The following PTPRK variants were observed in gnomAD, a reference collection of about 807,000 sequenced individuals.
PTPRK encodes protein tyrosine phosphatase receptor type K.
PTPRK carries 75 observed loss-of-function variants against 178.0 expected under a neutral mutation model. That is an observed-to-expected ratio of 0.42 (90% CI 0.35 to 0.51). The LOEUF (loss-of-function observed/expected upper bound fraction) is 0.51. Among genes scored for constraint, PTPRK ranks in the 20% least tolerant of loss-of-function variants. The pLI is 0.02. For synonymous variants in PTPRK, 637 were observed against 620.6 expected (o/e 1.03, Z -0.39); for missense variants, 1,441 against 1,797.8 (o/e 0.80, Z 3.59).
At chr6:128,069,418 ATG>A (rs1782418544) in intron 11 of PTPRK, among the ~76,000 whole-genome samples, 1 of 152,198 alleles carries the variant, frequency 6.6e-6, no homozygotes, top group Non-Finnish European at 1.5e-5. Context: ...TGAGGCATCC[ATG>A]GAGCAGGCAT....
At chr6:128,305,977 A>G (rs1050291322) in intron 3 of PTPRK, among the ~76,000 whole-genome samples, 1 of 152,232 alleles carries the variant, frequency 6.6e-6, no homozygotes, top group African/African-American at 2.4e-5. Context: ...CGAAGCAGAT[A>G]TCTTCTTCAC....
intron 2 of PTPRK, among the ~76,000 whole-genome samples, chr6:128,324,807 A>G (rs1829324916): frequency 6.6e-6 from 1 of 152,166 alleles, no homozygotes; most frequent in Admixed American, 6.6e-5. Flanking sequence ...GGCACTAGGG[A>G]GGAAGCTGCC....
At position 128,495,664 on chromosome 6, in the gene PTPRK, G is replaced by A. The variant is rs537218178; in HGVS notation, c.100+24595C>T. 4.6e-4 allele frequency among the ~76,000 whole-genome samples: 70 copies of A among 152,170 alleles called. 1 individual carries two copies. Among genetic ancestry groups the A allele is most frequent in the Non-Finnish European group, 8.5e-4 (58 of 68,008 alleles). On this transcript the variant is annotated intron_variant, in intron 1 of 29. Coordinates refer to ENST00000368226, the MANE Select transcript of PTPRK (RefSeq NM_002844.4). ...CCTAACTGGTCTCACCAAAATCCAC[G>A]TGGCCCCTCCAAACCCTTTTTCACA...
chr6:128,209,291 A>G (rs1807626081), intron 6 of PTPRK, among the ~76,000 whole-genome samples: 1 of 152,162 alleles, frequency 6.6e-6, no homozygotes, highest in African/African-American at 2.4e-5. Context: ...CTGGCACTCA[A>G]ATTGTTCCAC....
chr6:128,476,743 A>G (rs946450486), intron 1 of PTPRK, among the ~76,000 whole-genome samples: 2 of 152,030 alleles, frequency 1.3e-5, no homozygotes, highest in African/African-American at 4.8e-5. Context: ...TTGATTCAGC[A>G]AATGCATTCA....
chr6:128,332,516 G>A (rs952265314), intron 2 of PTPRK, among the ~76,000 whole-genome samples: 35 of 152,232 alleles, frequency 2.3e-4, no homozygotes, highest in African/African-American at 8.0e-4. Context: ...GAGAGGAATA[G>A]ATGGGTCTTC....
chr6:128,479,266 A>G (rs1334590833), intron 1 of PTPRK, among the ~76,000 whole-genome samples: 1 of 150,912 alleles, frequency 6.6e-6, no homozygotes, highest in Non-Finnish European at 1.5e-5. Flanking sequence ...TCTCAGATGG[A>G]AAAAAAAAAT....
intron 1 of PTPRK, among the ~76,000 whole-genome samples, chr6:128,422,413 A>G (rs1361852815): frequency 6.6e-6 from 1 of 152,148 alleles, no homozygotes; most frequent in Non-Finnish European, 1.5e-5. Context: ...TGAAGATATC[A>G]TTGGGGTCTG....
chr6:128,100,466 C>A (rs922107951), intron 7 of PTPRK, among the ~76,000 whole-genome samples: 1 of 151,834 alleles, frequency 6.6e-6, no homozygotes, highest in Non-Finnish European at 1.5e-5. Flanking sequence ...ATTTTATGTC[C>A]AGTAATTTTA....
intron 3 of PTPRK, among the ~76,000 whole-genome samples, chr6:128,294,947 T>G (rs1349651783): frequency 2.6e-5 from 3 of 114,780 alleles, no homozygotes; most frequent in Admixed American, 2.5e-4. Context: ...GAACAAAGAG[T>G]AATTAAGAAA....
At position 128,012,416 on chromosome 6, in the gene PTPRK, T is replaced by A. The variant is rs1378359387; in HGVS notation, c.2195-3148A>T. Among the ~76,000 whole-genome samples, 4 of 151,434 alleles carry A rather than the reference T, an allele frequency of 2.6e-5. No homozygotes were observed. In the East Asian group the frequency reaches 7.8e-4, roughly 29 times the overall value. On this transcript the variant is annotated intron_variant, in intron 13 of 29. Coordinates refer to ENST00000368226, the MANE Select transcript of PTPRK (RefSeq NM_002844.4). ...CAAAGAGAGCAAAAAGCTATTATAG[T>A]GGTGGTGCCCCTGAGTTCTGTTTAT...
intron 13 of PTPRK, among the ~76,000 whole-genome samples, chr6:128,054,779 T>C (rs1779621074): frequency 6.6e-6 from 1 of 152,196 alleles, no homozygotes. Flanking sequence ...TTCATATCCC[T>C]ACCCTCAGAG....
intron 1 of PTPRK, among the ~76,000 whole-genome samples, chr6:128,435,259 A>G (rs1028748947): frequency 1.7e-4 from 26 of 152,126 alleles, no homozygotes; most frequent in Admixed American, 5.9e-4. Flanking sequence ...TATGCTCCCA[A>G]ATAGGTTCTA....
At chr6:128,366,745 T>C (rs948985244) in intron 2 of PTPRK, among the ~76,000 whole-genome samples, 41 of 152,306 alleles carry the variant, frequency 2.7e-4, no homozygotes, top group African/African-American at 7.9e-4. Context: ...CAAGTGTGCA[T>C]TGAACATATA....
chr6:128,168,648 T>A (rs1043118992), intron 7 of PTPRK, among the ~76,000 whole-genome samples: 1 of 152,048 alleles, frequency 6.6e-6, no homozygotes, highest in Non-Finnish European at 1.5e-5. Context: ...AAATAGGTTG[T>A]GTGCTCCTTA....
In PTPRK at chr6:128,188,666, C is replaced by T. The variant is rs139813262; in HGVS notation, c.869-3941G>A. ...GGCTTAAAACAACAGAGATTCTCTCCAAGTCCTGGAAGCCAGAAATCTGAA... is the reference window on the plus strand; with the variant it reads ...GGCTTAAAACAACAGAGATTCTCTCTAAGTCCTGGAAGCCAGAAATCTGAA... On this transcript the variant is annotated intron_variant, in intron 6 of 29. Transcript: ENST00000368226. Among the ~76,000 whole-genome samples, 208 of 152,278 alleles carry T rather than the reference C, an allele frequency of 1.4e-3. 2 individuals carry two copies. The highest frequency in any genetic ancestry group is 4.8e-3 in the African/African-American group (198 of 41,562).
intron 6 of PTPRK, among the ~76,000 whole-genome samples, chr6:128,217,116 A>T (rs1293111309): frequency 6.6e-6 from 1 of 152,180 alleles, no homozygotes; most frequent in African/African-American, 2.4e-5. Context: ...ACCCAAGGAC[A>T]CCTTCAGGCT....
chr6:128,346,215 T>C (rs998103959), intron 2 of PTPRK, among the ~76,000 whole-genome samples: 1 of 152,070 alleles, frequency 6.6e-6, no homozygotes, highest in Admixed American at 6.6e-5. Context: ...TGGGAGATCA[T>C]TTGATTGTGC....
chr6:128,448,012 T>C (rs1039822791), intron 1 of PTPRK, among the ~76,000 whole-genome samples: 1 of 152,156 alleles, frequency 6.6e-6, no homozygotes, highest in Non-Finnish European at 1.5e-5. Flanking sequence ...CATAATAAAA[T>C]ACTCCATGAC....
Sources: allele counts gnomAD v4.1 joint callset (sites outside exome capture counted in the v4.1 genomes callset), GRCh38; gene constraint gnomAD v4.1.1; transcripts MANE v1.5; gene names NCBI Gene and HGNC (gene_info 2026-07-23, HGNC 2026-07-21).